Variants in MAGI1 observed in about 807,000 individuals in gnomAD.
The protein encoded by MAGI1 is membrane-associated guanylate kinase, WW and PDZ domain-containing protein 1.
In MAGI1, 58 loss-of-function variants were observed where a neutral mutation model predicts 139.9. The ratio of observed to expected loss-of-function variants is 0.41; its 90% CI spans 0.34 to 0.52. The LOEUF (loss-of-function observed/expected upper bound fraction) is 0.52. MAGI1 is among the 20% of genes least tolerant of loss of function. The probability of loss-of-function intolerance (pLI) is 0.12; values close to 1 mark genes in which losing one functional copy is unlikely to be tolerated. For missense variants in MAGI1, 1,874 were observed against 1,901.6 expected (o/e 0.99, Z 0.27); for synonymous variants, 812 against 737.9 (o/e 1.10, Z -1.63).
intron 1 of MAGI1, among the ~76,000 whole-genome samples, chr3:66,032,863 C>T (rs1478342206): frequency 5.6e-5 from 8 of 142,704 alleles, no homozygotes; most frequent in African/African-American, 1.6e-4. Flanking sequence ...TGCAGTGAGC[C>T]GAGATCGCAC....
chr3:65,657,643 T>C (rs1189115828), intron 1 of MAGI1, among the ~76,000 whole-genome samples: 1 of 152,154 alleles, frequency 6.6e-6, no homozygotes, highest in Non-Finnish European at 1.5e-5. Context: ...AATGACAACA[T>C]CACGAAAGTT....
intron 1 of MAGI1, among the ~76,000 whole-genome samples, chr3:65,876,779 T>C (rs1357655365): frequency 6.6e-6 from 1 of 151,098 alleles, no homozygotes; most frequent in Non-Finnish European, 1.5e-5. Flanking sequence ...AGTCTTGCTC[T>C]GTCGCCCAGG....
intron 2 of MAGI1, among the ~76,000 whole-genome samples, chr3:65,503,122 G>T (rs2077149648): frequency 6.6e-6 from 1 of 152,154 alleles, no homozygotes; most frequent in South Asian, 2.1e-4. Context: ...AGTTGAAAAG[G>T]TAAGATCCTT....
At chr3:65,413,703 C>T (rs910723129) in intron 12 of MAGI1, among the ~76,000 whole-genome samples, 9 of 152,234 alleles carry the variant, frequency 5.9e-5, no homozygotes, top group East Asian at 3.9e-4. Flanking sequence ...TTTCAGGTTT[C>T]GGTGAGGCAG....
chr3:65,357,091 C>G lies in MAGI1; in HGVS notation c.3676G>C (p.Gly1226Arg), dbSNP rs1377566624. The change falls in exon 23 of 23, where the codon GGT becomes CGT. Residue 1226 changes from glycine (G) to arginine (R), a missense_variant. Transcript: ENST00000402939. ...GGCCCGGCCCTCACTTCCGGAACAC[C>G]TTGTGGACCGGTGGCGGGGCCGTGG... Reference protein sequence around the residue: ...DRHGPATGPQGVPEVRAGPDR... With the variant: ...DRHGPATGPQRVPEVRAGPDR... 6.2e-7 allele frequency: 1 copy of G among 1,613,738 alleles called. No individual in the cohort carries two copies. Among genetic ancestry groups the G allele is most frequent in the Non-Finnish European group, 8.5e-7 (1 of 1,179,740 alleles).
intron 1 of MAGI1, among the ~76,000 whole-genome samples, chr3:66,002,239 A>C (rs1452613594): frequency 6.6e-6 from 1 of 152,174 alleles, no homozygotes; most frequent in Non-Finnish European, 1.5e-5. Flanking sequence ...AGAAAAAAAC[A>C]CGTCTGGATG....
At chr3:65,544,951 C>T (rs1050583730) in intron 2 of MAGI1, among the ~76,000 whole-genome samples, 1 of 152,166 alleles carries the variant, frequency 6.6e-6, no homozygotes, top group Non-Finnish European at 1.5e-5. Context: ...TTGCTAATAT[C>T]TTCACCATCA....
At chr3:65,993,602 T>C (rs1303162955) in intron 1 of MAGI1, among the ~76,000 whole-genome samples, 1 of 152,248 alleles carries the variant, frequency 6.6e-6, no homozygotes. Context: ...ACACCCTTGA[T>C]ACGCTTAATT....
intron 1 of MAGI1, among the ~76,000 whole-genome samples, chr3:65,812,582 G>A (rs1384394072): frequency 1.3e-5 from 2 of 150,938 alleles, no homozygotes; most frequent in South Asian, 2.1e-4. Context: ...TACTGAGCAA[G>A]GACCGAATAA....
At chr3:65,454,047 G>A (rs571148279) in intron 5 of MAGI1, among the ~76,000 whole-genome samples, 2 of 151,932 alleles carry the variant, frequency 1.3e-5, no homozygotes, top group African/African-American at 4.9e-5. Context: ...AAAGTGTAGA[G>A]ACACATTCCC....
chr3:65,786,757 G>A (rs536412667), intron 1 of MAGI1, among the ~76,000 whole-genome samples: 8 of 151,284 alleles, frequency 5.3e-5, no homozygotes, highest in African/African-American at 1.2e-4. Flanking sequence ...GACTACAGGC[G>A]CCCGCCACCA....
intron 1 of MAGI1, among the ~76,000 whole-genome samples, chr3:65,868,991 G>T (rs1189002866): frequency 1.3e-5 from 2 of 151,924 alleles, no homozygotes; most frequent in African/African-American, 4.8e-5. Flanking sequence ...ATTACTGCCG[G>T]GCGCGGTGGC....
chr3:65,465,902 G>A (rs977546970), intron 5 of MAGI1, among the ~76,000 whole-genome samples: 1 of 152,090 alleles, frequency 6.6e-6, no homozygotes, highest in Non-Finnish European at 1.5e-5. Flanking sequence ...AGCTCTGTTT[G>A]TTGGTTGGTT....
chr3:65,754,669 G>A (rs1162943305), intron 1 of MAGI1, among the ~76,000 whole-genome samples: 3 of 152,196 alleles, frequency 2.0e-5, no homozygotes, highest in African/African-American at 7.2e-5. Context: ...AAGAACCAAA[G>A]CTTTGGAGAA....
chr3:65,389,111 G>C (rs1352982262), intron 14 of MAGI1, among the ~76,000 whole-genome samples: 1 of 152,012 alleles, frequency 6.6e-6, no homozygotes, highest in Non-Finnish European at 1.5e-5. Flanking sequence ...CCAAAGTGCT[G>C]GGATTATATG....
At chr3:65,940,217 C>A (rs764352637) in intron 1 of MAGI1, among the ~76,000 whole-genome samples, 3 of 152,314 alleles carry the variant, frequency 2.0e-5, no homozygotes, top group Non-Finnish European at 4.4e-5. Context: ...GAAAGCAATA[C>A]TAGGAATGGC....
intron 1 of MAGI1, among the ~76,000 whole-genome samples, chr3:65,762,158 A>G (rs763923643): frequency 1.3e-5 from 2 of 152,150 alleles, no homozygotes; most frequent in Non-Finnish European, 2.9e-5. Context: ...TCCAGCACCC[A>G]GCGCCTGCCA....
chr3:65,892,183 A>G (rs2060799846), intron 1 of MAGI1, among the ~76,000 whole-genome samples: 1 of 151,946 alleles, frequency 6.6e-6, no homozygotes, highest in Non-Finnish European at 1.5e-5. Context: ...ATGGGCAGCC[A>G]ATGGGCAAAT....
chr3:65,436,108 A>C (rs1023531969), intron 10 of MAGI1, among the ~76,000 whole-genome samples: 1 of 152,176 alleles, frequency 6.6e-6, no homozygotes, highest in African/African-American at 2.4e-5. Flanking sequence ...AGAAGAAATT[A>C]TTTTACATAA....
Sources: gnomAD v4.1 joint callset for allele counts (sites outside exome capture counted in the v4.1 genomes callset) on GRCh38, gnomAD v4.1.1 for gene constraint, MANE v1.5 for transcripts, NCBI Gene and HGNC (gene_info 2026-07-23, HGNC 2026-07-21) for gene names.